The following GALNT18 variants were observed in gnomAD, a reference collection of about 807,000 sequenced individuals.
GALNT18 encodes polypeptide N-acetylgalactosaminyltransferase 18.
GALNT18 carries 44 observed loss-of-function variants against 69.5 expected under a neutral mutation model. That is an observed-to-expected ratio of 0.63 (90% CI 0.50 to 0.81). GALNT18 has a LOEUF of 0.81. GALNT18 is among the 40% of genes least tolerant of loss of function. The probability of loss-of-function intolerance (pLI) is 0.00; values close to 1 mark genes in which losing one functional copy is unlikely to be tolerated. For missense variants in GALNT18, 715 were observed against 810.0 expected (o/e 0.88, Z 1.42); for synonymous variants, 364 against 318.2 (o/e 1.14, Z -1.53).
At chr11:11,581,587 GC>G (rs1389336531) in intron 1 of GALNT18, among the ~76,000 whole-genome samples, 2 of 151,284 alleles carry the variant, frequency 1.3e-5, no homozygotes, top group East Asian at 2.0e-4. Context: ...TTGGTCACCT[GC>G]TGCACTCACA....
Position 11,511,123 on chromosome 11 carries a change from G to A in GALNT18, c.236-62187C>T, listed in dbSNP as rs569306103. ...CTGCAGCTGAAGGCCTTCTCTCCCG[G>A]GGGTTGTAAAAACAGGCTGCCCCTC... On this transcript the variant is annotated intron_variant, in intron 1 of 10. Coordinates refer to ENST00000227756, the MANE Select transcript of GALNT18 (RefSeq NM_198516.3). The surrounding 1 kb of genome is among the most constrained non-coding windows in gnomAD (Gnocchi z 4.9). Among the ~76,000 whole-genome samples the A allele has an allele frequency of 1.6e-3, 240 of 152,230 alleles. No homozygotes were observed. The highest frequency in any genetic ancestry group is 2.7e-3 in the Non-Finnish European group (187 of 68,006).
chr11:11,338,727 G>A lies in GALNT18; in HGVS notation c.1278+2092C>T, dbSNP rs1479100310. Reference sequence around the variant, plus strand: ...GGTAGAGATATTAATTAGGAAGGCAGCATATGGGTGGGAGTCCAATGCAAG... The same window carrying A: ...GGTAGAGATATTAATTAGGAAGGCAACATATGGGTGGGAGTCCAATGCAAG... On this transcript the variant is annotated intron_variant, in intron 7 of 10. Coordinates refer to ENST00000227756, the MANE Select transcript of GALNT18 (RefSeq NM_198516.3). The surrounding 1 kb of genome is among the most constrained non-coding windows in gnomAD (Gnocchi z 5.3). Among the ~76,000 whole-genome samples the A allele has an allele frequency of 9.2e-5, 14 of 152,144 alleles. No homozygotes were observed. Among genetic ancestry groups the A allele is most frequent in the Non-Finnish European group, 4.4e-5 (3 of 68,020 alleles).
intron 1 of GALNT18, among the ~76,000 whole-genome samples, chr11:11,487,126 A>G (rs555700167): frequency 4.6e-5 from 7 of 151,982 alleles, no homozygotes; most frequent in African/African-American, 1.7e-4. Flanking sequence ...TTCCCCACTC[A>G]TCTCCCCTCC....
intron 6 of GALNT18, among the ~76,000 whole-genome samples, chr11:11,358,443 C>T (rs1286018537): frequency 7.1e-6 from 1 of 140,386 alleles, no homozygotes; most frequent in African/African-American, 2.6e-5. Flanking sequence ...TTTGAAATAT[C>T]AATGCCATCT....
intron 1 of GALNT18, among the ~76,000 whole-genome samples, chr11:11,519,801 TGG>T (rs1235663104): frequency 6.6e-6 from 1 of 152,200 alleles, no homozygotes; most frequent in Non-Finnish European, 1.5e-5. Flanking sequence ...CAGGAAAACC[TGG>T]AGGCCTGCTC....
Position 11,353,097 on chromosome 11 carries a change from C to T in GALNT18, c.1093-12093G>A, listed in dbSNP as rs535125193. ...ATTAACATCTGTGTAAACTCTGGCC[C>T]TGCTTGGCACGGGTCCCGACATGTC... On this transcript the variant is annotated intron_variant, in intron 6 of 10. Transcript: ENST00000227756. 9.3e-6 allele frequency: 15 copies of T among 1,614,158 alleles called. No homozygotes were observed. The African/African-American group carries it at 1.9e-4, about 20-fold the overall frequency.
rs570655205 is a variant in GALNT18, at chr11:11,438,863, A to G, written c.429-6076T>C. 5.3e-5 allele frequency among the ~76,000 whole-genome samples: 8 copies of G among 152,316 alleles called. No homozygotes were observed. The South Asian group carries it at 1.7e-3, about 32-fold the overall frequency. On this transcript the variant is annotated intron_variant, in intron 2 of 10. Transcript: ENST00000227756. ...AACACTACTGAGTCTTTGAAGCCCA[A>G]CATGGTCTTCCTGTGACACTCCTGC...
intron 5 of GALNT18, among the ~76,000 whole-genome samples, chr11:11,374,443 G>A (rs931176833): frequency 6.6e-6 from 1 of 152,224 alleles, no homozygotes; most frequent in African/African-American, 2.4e-5. Flanking sequence ...CTTTAAATAC[G>A]TGATGATTCA....
chr11:11,471,475 A>G (rs1409683831), intron 1 of GALNT18, among the ~76,000 whole-genome samples: 2 of 152,144 alleles, frequency 1.3e-5, no homozygotes, highest in Non-Finnish European at 2.9e-5. Context: ...GCTGCTAATC[A>G]TGGTGCTGGT....
At chr11:11,353,781 G>C (rs1850470480) in intron 6 of GALNT18, among the ~76,000 whole-genome samples, 1 of 152,120 alleles carries the variant, frequency 6.6e-6, no homozygotes, top group African/African-American at 2.4e-5. Flanking sequence ...AGCCAGGAGG[G>C]TTCTTTCTGA....
chr11:11,529,670 G>T (rs1358964331), intron 1 of GALNT18, among the ~76,000 whole-genome samples: 1 of 151,676 alleles, frequency 6.6e-6, no homozygotes, highest in Non-Finnish European at 1.5e-5. Context: ...GACATATGTA[G>T]ATCATGTTTG....
intron 2 of GALNT18, among the ~76,000 whole-genome samples, chr11:11,434,932 G>C (rs1392901189): frequency 1.3e-5 from 2 of 152,184 alleles, no homozygotes; most frequent in East Asian, 3.8e-4. Flanking sequence ...ACCAGCAGTT[G>C]GGTTTTCCCT....
At chr11:11,282,110 C>A (rs1849090572) in intron 10 of GALNT18, among the ~76,000 whole-genome samples, 1 of 152,146 alleles carries the variant, frequency 6.6e-6, no homozygotes, top group Non-Finnish European at 1.5e-5. Context: ...ACAGAGATAG[C>A]ACTGGCCACC....
chr11:11,564,035 G>A lies in GALNT18; in HGVS notation c.235+57324C>T, dbSNP rs1858582113. On this transcript the variant is annotated intron_variant, in intron 1 of 10. Transcript: ENST00000227756. This position sits in a 1 kb window ranked among gnomAD's most constrained non-coding sequence, Gnocchi z 4.3. ...GATCAACTAGATGCTGATTACTAGTGAGGCACCATGCTAAATGAATGTCAG... is the reference window on the plus strand; with the variant it reads ...GATCAACTAGATGCTGATTACTAGTAAGGCACCATGCTAAATGAATGTCAG... Among the ~76,000 whole-genome samples the A allele has an allele frequency of 6.6e-6, 1 of 152,016 alleles. No individual in the cohort carries two copies. The highest frequency in any genetic ancestry group is 1.5e-5 in the Non-Finnish European group (1 of 68,036).
chr11:11,450,415 G>A (rs1189389237), intron 1 of GALNT18, among the ~76,000 whole-genome samples: 1 of 152,118 alleles, frequency 6.6e-6, no homozygotes, highest in African/African-American at 2.4e-5. Context: ...AACAAAAGAG[G>A]GAGGCTTCCA....
intron 1 of GALNT18, among the ~76,000 whole-genome samples, chr11:11,539,360 T>C (rs1461002092): frequency 1.3e-5 from 2 of 152,156 alleles, no homozygotes; most frequent in Non-Finnish European, 2.9e-5. Flanking sequence ...TGCAACTTTC[T>C]ATGTGAGCCT....
rs1209168612 is a variant in GALNT18, at chr11:11,432,005, G to A, written c.595+616C>T. On this transcript the variant is annotated intron_variant, in intron 3 of 10. Coordinates refer to ENST00000227756, the MANE Select transcript of GALNT18 (RefSeq NM_198516.3). This position sits in a 1 kb window ranked among gnomAD's most constrained non-coding sequence, Gnocchi z 5.8. ...GGAAAAGGGGTGGCTGGTAGTGCTG[G>A]AGAAAGAGAGTTAGTGATTTGATGG... Among the ~76,000 whole-genome samples the A allele has an allele frequency of 6.6e-6, 1 of 152,220 alleles. No individual in the cohort carries two copies. Among genetic ancestry groups the A allele is most frequent in the Non-Finnish European group, 1.5e-5 (1 of 68,048 alleles).
intron 1 of GALNT18, among the ~76,000 whole-genome samples, chr11:11,506,629 G>T (rs1462813322): frequency 6.6e-6 from 1 of 152,126 alleles, no homozygotes; most frequent in Admixed American, 6.5e-5. Context: ...TAGAAAGTGG[G>T]GTATTTGTCT....
intron 2 of GALNT18, among the ~76,000 whole-genome samples, chr11:11,440,620 A>T (rs1258971321): frequency 6.6e-6 from 1 of 152,166 alleles, no homozygotes; most frequent in Non-Finnish European, 1.5e-5. Flanking sequence ...CTTCTGTGTA[A>T]CCTGTCCTGC....
Sources: gnomAD v4.1 joint callset for allele counts (sites outside exome capture counted in the v4.1 genomes callset) on GRCh38, gnomAD v4.1.1 for gene constraint, Gnocchi (gnomAD v3.1) non-coding constraint, MANE v1.5 for transcripts, NCBI Gene and HGNC (gene_info 2026-07-23, HGNC 2026-07-21) for gene names.